The following CNTN4 variants were observed in gnomAD, a reference collection of about 807,000 sequenced individuals.
CNTN4 encodes contactin-4.
Under a neutral mutation model 122.5 loss-of-function variants are expected in CNTN4, and 77 were observed. The observed-to-expected ratio is 0.63, with a 90% CI of 0.52 to 0.76. The LOEUF is 0.76. CNTN4 is among the 30% of genes least tolerant of loss of function. The pLI, the probability that CNTN4 is intolerant of heterozygous loss-of-function variation, is 0.00. For synonymous variants in CNTN4, 512 were observed against 447.0 expected (o/e 1.15, Z -1.83); for missense variants, 1,256 against 1,259.1 (o/e 1.00, Z 0.04).
intron 3 of CNTN4, among the ~76,000 whole-genome samples, chr3:2,413,881 T>G (rs2047317288): frequency 6.6e-6 from 1 of 152,208 alleles, no homozygotes; most frequent in Admixed American, 6.5e-5. Context: ...TTTTTCTGAC[T>G]ACCTACCATT....
chr3:2,514,339 G>C lies in CNTN4; in HGVS notation c.-88-57077G>C, dbSNP rs190181396. On this transcript the variant is annotated intron_variant, in intron 3 of 24. Coordinates refer to ENST00000418658, the MANE Select transcript of CNTN4 (RefSeq NM_175607.3). The stretch of plus-strand genomic sequence containing the variant: ...CTGTGAACTGTCTCTATGATGACAA[G>C]TTAAAGAGTGAATATGAGCTGGGTG... Among the ~76,000 whole-genome samples, 84 of 152,118 alleles carry C rather than the reference G, an allele frequency of 5.5e-4. 1 individual carries two copies. Among genetic ancestry groups the C allele is most frequent in the African/African-American group, 1.9e-3 (77 of 41,516 alleles).
intron 3 of CNTN4, among the ~76,000 whole-genome samples, chr3:2,439,152 A>C (rs1240326733): frequency 1.3e-5 from 2 of 152,216 alleles, no homozygotes; most frequent in East Asian, 3.8e-4. Flanking sequence ...ATTAAAACAA[A>C]GATAACTTTT....
intron 23 of CNTN4, among the ~76,000 whole-genome samples, chr3:3,045,204 C>T (rs1700522049): frequency 6.6e-6 from 1 of 152,228 alleles, no homozygotes; most frequent in Non-Finnish European, 1.5e-5. Context: ...CCTCTGGGGG[C>T]AGGGCATAGC....
chr3:2,178,247 C>T (rs183535885), intron 2 of CNTN4, among the ~76,000 whole-genome samples: 1 of 151,964 alleles, frequency 6.6e-6, no homozygotes, highest in Admixed American at 6.6e-5. Context: ...ATTCATTGCT[C>T]TACACAAAGG....
intron 13 of CNTN4, among the ~76,000 whole-genome samples, chr3:2,964,860 A>G (rs1160795128): frequency 6.6e-6 from 1 of 152,098 alleles, no homozygotes; most frequent in African/African-American, 2.4e-5. Flanking sequence ...TCCTTCCACA[A>G]CTGCAGTTGT....
intron 4 of CNTN4, among the ~76,000 whole-genome samples, chr3:2,616,423 G>T (rs1016865263): frequency 1.3e-5 from 2 of 152,070 alleles, no homozygotes; most frequent in Admixed American, 1.3e-4. Flanking sequence ...GTTGTGAATA[G>T]TGCTGAAATA....
At chr3:2,553,658 A>T (rs1313909917) in intron 3 of CNTN4, among the ~76,000 whole-genome samples, 3 of 152,160 alleles carry the variant, frequency 2.0e-5, no homozygotes, top group African/African-American at 7.2e-5. Flanking sequence ...TTTGGGGGAG[A>T]TGGAAGCTGA....
At chr3:2,383,372 TA>T (rs2046103723) in intron 3 of CNTN4, among the ~76,000 whole-genome samples, 1 of 152,214 alleles carries the variant, frequency 6.6e-6, no homozygotes, top group East Asian at 1.9e-4. Flanking sequence ...TGATAATGGC[TA>T]AGTAGTGCTT....
chr3:2,348,904 A>C (rs1168810176), intron 3 of CNTN4, among the ~76,000 whole-genome samples: 1 of 152,158 alleles, frequency 6.6e-6, no homozygotes, highest in African/African-American at 2.4e-5. Context: ...TCTTGGGCTC[A>C]AGCTTCCCCA....
intron 13 of CNTN4, among the ~76,000 whole-genome samples, chr3:2,982,885 A>G (rs1577497585): frequency 6.6e-6 from 1 of 152,070 alleles, no homozygotes; most frequent in African/African-American, 2.4e-5. Context: ...TATGAGCTTG[A>G]GAACAAAAAC....
At chr3:2,201,824 A>C (rs1458867610) in intron 2 of CNTN4, among the ~76,000 whole-genome samples, 1 of 152,180 alleles carries the variant, frequency 6.6e-6, no homozygotes, top group Non-Finnish European at 1.5e-5. Context: ...ATATTATATG[A>C]TAGATTTTAT....
chr3:2,823,140 C>T (rs1414049102), intron 7 of CNTN4, among the ~76,000 whole-genome samples: 2 of 152,194 alleles, frequency 1.3e-5, no homozygotes, highest in African/African-American at 4.8e-5. Flanking sequence ...TTTTTCCGGG[C>T]TGTGTGTCAC....
At chr3:2,311,965 G>A (rs2042930615) in intron 2 of CNTN4, among the ~76,000 whole-genome samples, 1 of 151,992 alleles carries the variant, frequency 6.6e-6, no homozygotes, top group African/African-American at 2.4e-5. Context: ...CATATTGTAA[G>A]CACGTAATAA....
intron 4 of CNTN4, among the ~76,000 whole-genome samples, chr3:2,631,876 A>C (rs1243837090): frequency 2.3e-5 from 3 of 128,838 alleles, no homozygotes; most frequent in Admixed American, 8.3e-5. Flanking sequence ...AAAAAAAAAA[A>C]AACAAAAAAA....
At chr3:2,104,062 C>A (rs1020774891) in intron 2 of CNTN4, among the ~76,000 whole-genome samples, 1 of 152,184 alleles carries the variant, frequency 6.6e-6, no homozygotes, top group Non-Finnish European at 1.5e-5. Flanking sequence ...TATCTTCTTA[C>A]CATGTAGGTA....
At chr3:2,743,412 T>C (rs2089576438) in intron 5 of CNTN4, among the ~76,000 whole-genome samples, 1 of 152,134 alleles carries the variant, frequency 6.6e-6, no homozygotes, top group Non-Finnish European at 1.5e-5. Context: ...ACTAAAAACA[T>C]TGTCAGTTTC....
Position 2,101,771 on chromosome 3 carries a change from A to G in CNTN4, c.-145+1132A>G, listed in dbSNP as rs192028072. On this transcript the variant is annotated intron_variant, in intron 2 of 24. Transcript: ENST00000418658. ...ACTTATAAAACACACAAAGAAACAA[A>G]AAAGATGAATAAAGCAAAAATTATG... is the stretch of plus-strand genomic sequence containing the variant. Among the ~76,000 whole-genome samples, 289 of 152,362 alleles carry G rather than the reference A, an allele frequency of 1.9e-3. 3 individuals carry two copies. The highest frequency in any genetic ancestry group is 2.0e-3 in the Non-Finnish European group (139 of 68,036).
intron 2 of CNTN4, among the ~76,000 whole-genome samples, chr3:2,126,853 G>A (rs956537738): frequency 2.6e-5 from 4 of 152,058 alleles, no homozygotes; most frequent in African/African-American, 9.7e-5. Context: ...ATAAAGAGAC[G>A]AGAAATACTG....
At position 2,165,503 on chromosome 3, in the gene CNTN4, C is replaced by T. The variant is rs144246022; in HGVS notation, c.-145+64864C>T. ...AAGTTAGTTAACATCTTCATCACCT[C>T]ACATAGTTACCTTTTTTTGTTGTGG... On this transcript the variant is annotated intron_variant, in intron 2 of 24. Transcript: ENST00000418658. 8.0e-5 allele frequency among the ~76,000 whole-genome samples: 12 copies of T among 149,958 alleles called. No homozygotes were observed. The East Asian group carries it at 2.6e-3, about 32-fold the overall frequency.
Sources: allele counts gnomAD v4.1 joint callset (sites outside exome capture counted in the v4.1 genomes callset), GRCh38; gene constraint gnomAD v4.1.1; transcripts MANE v1.5; gene names NCBI Gene and HGNC (gene_info 2026-07-23, HGNC 2026-07-21).